ST13: variants seen among roughly 807,000 people sequenced by gnomAD.
ST13 encodes hsc70-interacting protein.
Under a neutral mutation model 56.7 loss-of-function variants are expected in ST13, and 23 were observed. That is an observed-to-expected ratio of 0.41 (90% confidence interval 0.29 to 0.57). The LOEUF is 0.57. Ranked by LOEUF, ST13 falls within the 20% of genes least tolerant of loss-of-function variation. The probability of loss-of-function intolerance (pLI) is 0.36; values close to 1 mark genes in which losing one functional copy is unlikely to be tolerated. For missense variants in ST13, 369 were observed against 459.9 expected (o/e 0.80, Z 1.81); for synonymous variants, 132 against 142.4 (o/e 0.93, Z 0.52).
intron 8 of ST13, chr22:40,831,973 C>G: frequency 3.9e-6 from 1 of 258,952 alleles, no homozygotes; most frequent in Non-Finnish European, 7.8e-6. Flanking sequence ...CTGCCTCAGC[C>G]TCCCGAGTAG....
intron 3 of ST13, among the ~76,000 whole-genome samples, chr22:40,847,719 T>C (rs2057839607): frequency 6.6e-6 from 1 of 152,008 alleles, no homozygotes; most frequent in Admixed American, 6.6e-5. Context: ...CTTTGGAGTT[T>C]GAATGCTATT....
chr22:40,848,613 C>T (rs1295198137), intron 2 of ST13, among the ~76,000 whole-genome samples: 1 of 151,962 alleles, frequency 6.6e-6, no homozygotes, highest in Non-Finnish European at 1.5e-5. Context: ...CGTGGTGGTG[C>T]CCGCTTGTAA....
Position 40,850,479 on chromosome 22 carries a change from TAATA to T in ST13, c.168+340_168+343del, listed in dbSNP as rs542557166. Among the ~76,000 whole-genome samples, 496 of 152,204 alleles carry T rather than the reference TAATA, an allele frequency of 3.3e-3. 6 individuals are homozygous for T. The highest frequency in any genetic ancestry group is 0.011 in the African/African-American group (448 of 41,530). Reference sequence around the variant, plus strand: ...TGGGATACTTCATTTACTCTGCAAATAATAAATAAAGTACCTACAATGCATATGA... The same window carrying T: ...TGGGATACTTCATTTACTCTGCAAATAATAAAGTACCTACAATGCATATGA... On this transcript the variant is annotated intron_variant, in intron 2 of 11. Coordinates refer to ENST00000216218, the MANE Select transcript of ST13 (RefSeq NM_003932.5).
intron 1 of ST13, among the ~76,000 whole-genome samples, chr22:40,852,476 T>G (rs552114188): frequency 1.3e-4 from 20 of 152,342 alleles, no homozygotes; most frequent in African/African-American, 4.6e-4. Flanking sequence ...TAGGTTGCCT[T>G]TTCACTCCCT....
intron 3 of ST13, among the ~76,000 whole-genome samples, chr22:40,847,216 T>C (rs1010923085): frequency 6.6e-6 from 1 of 152,048 alleles, no homozygotes; most frequent in Non-Finnish European, 1.5e-5. Context: ...ACAAATACTA[T>C]TTTTTGGCAC....
chr22:40,828,015 C>G (rs17002197), intron 10 of ST13, among the ~76,000 whole-genome samples: 4,590 of 152,196 alleles, frequency 0.03, 209 homozygotes, highest in African/African-American at 0.1. Flanking sequence ...GTTTTTGTTT[C>G]AACTATACTC....
intron 5 of ST13, among the ~76,000 whole-genome samples, chr22:40,838,797 C>T (rs532827797): frequency 4.3e-4 from 65 of 151,392 alleles, no homozygotes; most frequent in African/African-American, 1.5e-3. Context: ...GCAAAAGTTT[C>T]GTGCGATGAA....
intron 2 of ST13, among the ~76,000 whole-genome samples, chr22:40,849,244 G>A (rs1183435966): frequency 2.0e-5 from 3 of 152,020 alleles, no homozygotes; most frequent in Admixed American, 6.6e-5. Flanking sequence ...TTGGGAGTCC[G>A]AGGTGGGTGG....
rs908679054 is a variant in ST13, at chr22:40,835,483, T to G, written c.578+77A>C. On this transcript the variant is annotated intron_variant, in intron 7 of 11. Coordinates refer to ENST00000216218, the MANE Select transcript of ST13 (RefSeq NM_003932.5). ...TTAAGTCATTAGGAACTTTTGTGTT[T>G]TTGTTTAAACAAAGCATCTTAAAAC... is the stretch of plus-strand genomic sequence containing the variant. The G allele has an allele frequency of 1.4e-5, 19 of 1,310,374 alleles. No individual in the cohort carries two copies. The African/African-American group carries it at 2.8e-4, about 19-fold the overall frequency. 81.2% of individuals were successfully genotyped at this position (1,310,374 alleles called of 1,614,324 possible).
intron 9 of ST13, among the ~76,000 whole-genome samples, chr22:40,829,924 A>G (rs1343349835): frequency 6.6e-6 from 1 of 152,228 alleles, no homozygotes; most frequent in African/African-American, 2.4e-5. Context: ...CTGGAAAACA[A>G]TTTATAGTAC....
intron 3 of ST13, among the ~76,000 whole-genome samples, chr22:40,847,479 G>A (rs1158249262): frequency 1.3e-5 from 2 of 151,432 alleles, no homozygotes; most frequent in African/African-American, 4.9e-5. Flanking sequence ...AACCTGGGAG[G>A]TGGAGGCTGC....
At chr22:40,850,001 ACG>A (rs1217014112) in intron 2 of ST13, among the ~76,000 whole-genome samples, 1 of 151,740 alleles carries the variant, frequency 6.6e-6, no homozygotes, top group Non-Finnish European at 1.5e-5. Context: ...ATGGTGGCTC[ACG>A]CCTTAGTCCC....
chr22:40,850,950 C>T (rs1400887546), intron 1 of ST13, 70 bp from the exon 2 acceptor site: 4 of 1,122,768 alleles, frequency 3.6e-6, no homozygotes, highest in East Asian at 5.0e-5. Context: ...CGTATTTACA[C>T]CTAAAAAATA....
At position 40,850,109 on chromosome 22, in the gene ST13, T is replaced by A. The variant is rs545893248; in HGVS notation, c.168+714A>T. Among the ~76,000 whole-genome samples, 10 of 152,076 alleles carry A rather than the reference T, an allele frequency of 6.6e-5. No homozygotes were observed. In the South Asian group the frequency reaches 2.1e-3, roughly 32 times the overall value. On this transcript the variant is annotated intron_variant, in intron 2 of 11. Coordinates refer to ENST00000216218, the MANE Select transcript of ST13 (RefSeq NM_003932.5). ...CCCATTTCTACTAAAAATAGAAAAA[T>A]TAGCCAGGCATGGTGGGATGCACCT...
intron 7 of ST13, chr22:40,835,294 T>G: frequency 3.9e-6 from 1 of 259,074 alleles, no homozygotes; most frequent in South Asian, 7.5e-5. Flanking sequence ...CAAAAACTGG[T>G]AAGAGTAGCT....
chr22:40,853,457 A>T (rs540442577), intron 1 of ST13, among the ~76,000 whole-genome samples: 2 of 152,334 alleles, frequency 1.3e-5, no homozygotes, highest in East Asian at 3.8e-4. Context: ...ATAGGTACGA[A>T]ATTTCAATTA....
rs762682628 is a variant in ST13, at chr22:40,856,435, C to T, written c.106G>A (p.Glu36Lys). ...GTCCTCAGGCCTGGGTCTCACCTCT[C>T]CACCCACTCCCTCAGGAAGCGCATT... ...EEMRFLREWV[E>K]SMGGKVPPAT... Residue 36 changes from glutamate (E) to lysine (K), a missense_variant, in exon 1 of 12, where the codon GAG becomes AAG. Glu to Lys is a moderately conservative substitution (Grantham distance 56, BLOSUM62 1). Around this residue, in one of 3 missense-constraint regions of ST13, gnomAD observed 169 missense variants for 175.6 expected, o/e 0.96. Coordinates refer to ENST00000216218, the MANE Select transcript of ST13 (RefSeq NM_003932.5). The T allele has an allele frequency of 6.2e-7, 1 of 1,612,624 alleles. No homozygotes were observed. Among genetic ancestry groups the T allele is most frequent in the Non-Finnish European group, 8.5e-7 (1 of 1,178,750 alleles).
At chr22:40,849,934 G>C (rs1015585236) in intron 2 of ST13, among the ~76,000 whole-genome samples, 4 of 146,986 alleles carry the variant, frequency 2.7e-5, no homozygotes, top group African/African-American at 1.0e-4. Context: ...AAGCCTTTTA[G>C]ATATGAAGGC....
rs568060242 is a variant in ST13 at position 40,837,057 on chromosome 22, C to T, written c.383-1170G>A. On this transcript the variant is annotated intron_variant, in intron 5 of 11. Transcript: ENST00000216218. Reference sequence around the variant, plus strand: ...TCTCGAACTCCTGGGCTCCAGTAATCCCCCCAACTCAGCCTTCTGAGTAGC... The same window carrying T: ...TCTCGAACTCCTGGGCTCCAGTAATTCCCCCAACTCAGCCTTCTGAGTAGC... 1.1e-4 allele frequency among the ~76,000 whole-genome samples: 17 copies of T among 152,294 alleles called. 1 individual carries two copies. The South Asian group carries it at 3.5e-3, about 32-fold the overall frequency.
Sources: gnomAD v4.1 joint callset for allele counts (sites outside exome capture counted in the v4.1 genomes callset) on GRCh38, gnomAD v4.1.1 for gene constraint, gnomAD v4.1.1 regional missense constraint, MANE v1.5 for transcripts, NCBI Gene and HGNC (gene_info 2026-07-23, HGNC 2026-07-21) for gene names.